Variants in ESR1 observed in about 807,000 individuals in gnomAD.
ESR1 encodes the protein estrogen receptor.
A neutral mutation model predicts 52.7 loss-of-function variants in ESR1; 12 were observed. The observed-to-expected ratio is 0.23, with a 90% CI of 0.15 to 0.37. The LOEUF (loss-of-function observed/expected upper bound fraction) is 0.37. Among genes scored for constraint, ESR1 ranks in the 10% least tolerant of loss-of-function variants. ESR1 has a pLI of 1.00. For missense variants in ESR1, 584 were observed against 779.7 expected (o/e 0.75, Z 2.99); for synonymous variants, 305 against 316.8 (o/e 0.96, Z 0.39).
chr6:151,971,569 A>G (rs982717631), intron 4 of ESR1, among the ~76,000 whole-genome samples: 4 of 152,210 alleles, frequency 2.6e-5, no homozygotes, highest in African/African-American at 9.7e-5. Flanking sequence ...TAAGTCAACA[A>G]TGAAATCAAG....
chr6:152,040,969 G>A (rs896066745), intron 5 of ESR1, among the ~76,000 whole-genome samples: 2 of 152,174 alleles, frequency 1.3e-5, no homozygotes, highest in Non-Finnish European at 2.9e-5. Flanking sequence ...ATGCTGCTGT[G>A]CACAACCCAC....
rs139937920 is a variant in ESR1, at chr6:151,982,798, A to G, written c.1097-28858A>G. Among the ~76,000 whole-genome samples, 346 of 152,260 alleles carry G rather than the reference A, an allele frequency of 2.3e-3. 2 individuals are homozygous for G. Among genetic ancestry groups the G allele is most frequent in the African/African-American group, 7.9e-3 (330 of 41,520 alleles). ...TTTCAACATGTAATCAATAGAATAT[A>G]TTATTAGTCAACTATTTTGCATTCT... On this transcript the variant is annotated intron_variant, in intron 4 of 7. Transcript: ENST00000206249.
chr6:151,737,156 C>T (rs1264259673), intron 2 of ESR1, among the ~76,000 whole-genome samples: 1 of 152,040 alleles, frequency 6.6e-6, no homozygotes. Flanking sequence ...ACATAATGTT[C>T]TATTTTATGG....
chr6:151,684,576 G>A (rs1778582928), intron 1 of ESR1, among the ~76,000 whole-genome samples: 1 of 152,236 alleles, frequency 6.6e-6, no homozygotes. Context: ...AGGGATGGAG[G>A]CTGGAGGTAT....
chr6:151,740,070 A>T (rs781273777), intron 2 of ESR1, among the ~76,000 whole-genome samples: 1 of 152,080 alleles, frequency 6.6e-6, no homozygotes, highest in Non-Finnish European at 1.5e-5. Flanking sequence ...ATATTGAAAC[A>T]AATAGTCTCT....
intron 2 of ESR1, among the ~76,000 whole-genome samples, chr6:151,757,762 G>A (rs9479106): frequency 0.024 from 3,590 of 152,232 alleles, 115 homozygotes; most frequent in African/African-American, 0.073. Flanking sequence ...CAGGTGCCAC[G>A]ACCGAGGAGA....
chr6:151,990,476 C>A (rs1327786818), intron 4 of ESR1, among the ~76,000 whole-genome samples: 1 of 152,046 alleles, frequency 6.6e-6, no homozygotes, highest in Non-Finnish European at 1.5e-5. Context: ...TCCCTTGCAA[C>A]CTTGAAGTCC....
At chr6:152,011,539 C>A in intron 4 of ESR1, 117 bp from the exon 5 acceptor site, 2 of 1,111,434 alleles carry the variant, frequency 1.8e-6, no homozygotes, top group Non-Finnish European at 2.7e-6. Flanking sequence ...GTTCGTATTG[C>A]ATTTACTCCA....
At chr6:151,666,696 CCCTCCTCCT>C (rs56871778) in intron 1 of ESR1, among the ~76,000 whole-genome samples, 5,645 of 97,386 alleles carry the variant, frequency 0.058, 188 homozygotes, top group African/African-American at 0.094. Context: ...TTCCCCATCC[CCCTCCTCCT>C]CCTCCTCCTC....
At chr6:152,070,685 T>C (rs1313940438) in intron 6 of ESR1, among the ~76,000 whole-genome samples, 1 of 138,536 alleles carries the variant, frequency 7.2e-6, no homozygotes, top group Admixed American at 6.7e-5. Context: ...AAAAGCAAAC[T>C]CCCTGCGTTG....
chr6:151,734,885 G>T (rs532467177), intron 2 of ESR1, among the ~76,000 whole-genome samples: 1 of 152,010 alleles, frequency 6.6e-6, no homozygotes, highest in Non-Finnish European at 1.5e-5. Context: ...GCCTTCCAAA[G>T]TGCTGGCATT....
intron 6 of ESR1, among the ~76,000 whole-genome samples, chr6:152,118,968 T>A (rs992233375): frequency 6.6e-5 from 10 of 152,170 alleles, no homozygotes; most frequent in Middle Eastern, 6.8e-3. Flanking sequence ...TATTTCAATT[T>A]CTCCACAATC....
At chr6:151,826,891 T>A (rs1484900186) in intron 1 of ESR1, among the ~76,000 whole-genome samples, 1 of 152,038 alleles carries the variant, frequency 6.6e-6, no homozygotes, top group Non-Finnish European at 1.5e-5. Context: ...AGCAAAGTCT[T>A]GAATAAGGGA....
intron 4 of ESR1, among the ~76,000 whole-genome samples, chr6:151,978,428 T>C (rs1222107301): frequency 6.6e-6 from 1 of 151,882 alleles, no homozygotes; most frequent in East Asian, 1.9e-4. Context: ...GAGGAGATAG[T>C]AAAGAGGAAG....
chr6:151,823,886 G>A (rs1781019793), intron 1 of ESR1, among the ~76,000 whole-genome samples: 1 of 152,134 alleles, frequency 6.6e-6, no homozygotes, highest in African/African-American at 2.4e-5. Flanking sequence ...GGATGTTTGG[G>A]TTGGTTCCAA....
At chr6:151,916,223 C>T (rs2030132641) in intron 3 of ESR1, among the ~76,000 whole-genome samples, 1 of 152,132 alleles carries the variant, frequency 6.6e-6, no homozygotes, top group African/African-American at 2.4e-5. Flanking sequence ...TGGGGAGTTG[C>T]TAATGCTGAA....
exon 7 of ESR1, chr6:152,127,974 A>T (rs2054112364): frequency 6.6e-6 from 1 of 152,096 alleles, no homozygotes; most frequent in African/African-American, 2.4e-5. Context: ...GGTGCCAGAG[A>T]CCTAAGGTGC....
At chr6:152,088,384 G>A (rs2049911613) in intron 6 of ESR1, among the ~76,000 whole-genome samples, 3 of 151,862 alleles carry the variant, frequency 2.0e-5, no homozygotes, top group African/African-American at 7.3e-5. Flanking sequence ...TAAAAGGAGA[G>A]AAAAAAAATT....
intron 1 of ESR1, among the ~76,000 whole-genome samples, chr6:151,666,464 A>T (rs1777825965): frequency 6.6e-6 from 1 of 152,214 alleles, no homozygotes; most frequent in South Asian, 2.1e-4. Flanking sequence ...TAAGAATGAC[A>T]GAAGTACCCA....
Sources: gnomAD v4.1 joint callset for allele counts (sites outside exome capture counted in the v4.1 genomes callset) on GRCh38, gnomAD v4.1.1 for gene constraint, MANE v1.5 for transcripts, NCBI Gene and HGNC (gene_info 2026-07-23, HGNC 2026-07-21) for gene names.